SPIRE1: variants seen among roughly 807,000 people sequenced by gnomAD.
SPIRE1 encodes protein spire homolog 1.
Under a neutral mutation model 94.1 loss-of-function variants are expected in SPIRE1, and 40 were observed. The ratio of observed to expected loss-of-function variants is 0.43; its 90% CI spans 0.33 to 0.55. The LOEUF (loss-of-function observed/expected upper bound fraction) is 0.55, where lower values mean the gene tolerates loss of function less well. Among genes scored for constraint, SPIRE1 ranks in the 20% least tolerant of loss-of-function variants. The pLI, the probability that SPIRE1 is intolerant of heterozygous loss-of-function variation, is 0.06. For missense variants in SPIRE1, 838 were observed against 975.2 expected, an observed-to-expected ratio of 0.86 and a Z score of 1.87; for synonymous variants, 376 against 371.7, an observed-to-expected ratio of 1.01 and a Z score of -0.13.
In SPIRE1 at chr18:12,450,014, G is replaced by T. The variant is rs944200155; in HGVS notation, c.2013-118C>A. 2.5e-5 allele frequency: 26 copies of T among 1,053,380 alleles called. No individual in the cohort carries two copies. The Middle Eastern group carries it at 8.8e-4, about 36-fold the overall frequency. 65.3% of individuals were successfully genotyped at this position (1,053,380 alleles called of 1,614,324 possible). A position where few individuals can be genotyped will look rare whatever the true frequency, so the allele number is the denominator to read the frequency against. The stretch of plus-strand genomic sequence containing the variant: ...TCAAAACATCATGGAATGGATGAGT[G>T]ATTTAATCATATGTCCTTCTAAAAA... On this transcript the variant is annotated intron_variant, in intron 16 of 16. Transcript: ENST00000409402.
intron 1 of SPIRE1, among the ~76,000 whole-genome samples, chr18:12,643,111 T>C (rs573300334): frequency 4.7e-4 from 72 of 152,286 alleles, no homozygotes; most frequent in Admixed American, 1.2e-3. Flanking sequence ...AAAATGTTTA[T>C]AGTATAAACA....
chr18:12,563,186 A>G (rs1458443667), intron 2 of SPIRE1, among the ~76,000 whole-genome samples: 1 of 151,156 alleles, frequency 6.6e-6, no homozygotes, highest in African/African-American at 2.5e-5. Context: ...CCCGATTATG[A>G]ATCCCTGTTC....
At chr18:12,512,878 G>C (rs898041752) in intron 4 of SPIRE1, among the ~76,000 whole-genome samples, 3 of 149,832 alleles carry the variant, frequency 2.0e-5, no homozygotes, top group Non-Finnish European at 4.4e-5. Flanking sequence ...GAAGCAATCT[G>C]ATCCCGGATG....
chr18:12,474,191 G>T (rs1414829020), intron 10 of SPIRE1, among the ~76,000 whole-genome samples: 1 of 152,202 alleles, frequency 6.6e-6, no homozygotes. Context: ...AAGTGTCACT[G>T]CTTCCTCTTC....
intron 2 of SPIRE1, among the ~76,000 whole-genome samples, chr18:12,578,125 T>G (rs2036160914): frequency 6.6e-6 from 1 of 152,212 alleles, no homozygotes; most frequent in Non-Finnish European, 1.5e-5. Flanking sequence ...CGCAACCACA[T>G]TGTAAAATTG....
intron 2 of SPIRE1, among the ~76,000 whole-genome samples, chr18:12,607,596 T>TAC (rs34187168): frequency 0.12 from 17,476 of 145,810 alleles, 1,027 homozygotes; most frequent in Admixed American, 0.2. Context: ...TCCACAGCAC[T>TAC]ACACACACAC....
intron 2 of SPIRE1, among the ~76,000 whole-genome samples, chr18:12,632,408 T>C (rs1315459679): frequency 6.6e-5 from 10 of 152,064 alleles, no homozygotes; most frequent in African/African-American, 2.4e-4. Context: ...ACAGAAAACT[T>C]CCTCCTTATG....
rs183196230 is a variant in SPIRE1, at chr18:12,496,911, T to C, written c.973-809A>G. ...ATAAATAAAAATAAAAATACAAAAA[T>C]ACAAAAATTAGCCAGGCATGGCAGC... On this transcript the variant is annotated intron_variant, in intron 6 of 16. Coordinates refer to ENST00000409402, the MANE Select transcript of SPIRE1 (RefSeq NM_001128626.2). 1.2e-3 allele frequency among the ~76,000 whole-genome samples: 174 copies of C among 151,276 alleles called. 1 individual carries two copies. The highest frequency in any genetic ancestry group is 3.8e-3 in the African/African-American group (158 of 41,266).
intron 1 of SPIRE1, among the ~76,000 whole-genome samples, chr18:12,642,276 C>T (rs1693927849): frequency 1.3e-5 from 2 of 152,208 alleles, no homozygotes; most frequent in Non-Finnish European, 2.9e-5. Context: ...AAGCCAGGCT[C>T]TAGGACTTTC....
At position 12,624,588 on chromosome 18, in the gene SPIRE1, G is replaced by A. The variant is rs531630760; in HGVS notation, c.372+10474C>T. Among the ~76,000 whole-genome samples, 516 of 149,230 alleles carry A rather than the reference G, an allele frequency of 3.5e-3. 3 individuals carry two copies. The highest frequency in any genetic ancestry group is 0.012 in the African/African-American group (493 of 40,512). On this transcript the variant is annotated intron_variant, in intron 2 of 16. Coordinates refer to ENST00000409402, the MANE Select transcript of SPIRE1 (RefSeq NM_001128626.2). ...CTACATACTCTATTGTAAAGTACTG[G>A]GAGGTGTTTAAGCTACCCATATAGT...
At chr18:12,508,016 C>T (rs1389044422) in intron 5 of SPIRE1, among the ~76,000 whole-genome samples, 2 of 151,336 alleles carry the variant, frequency 1.3e-5, no homozygotes, top group African/African-American at 4.9e-5. Context: ...TGTGGTGGCA[C>T]GTGCCTGTAG....
intron 2 of SPIRE1, among the ~76,000 whole-genome samples, chr18:12,601,474 T>G (rs2036833679): frequency 6.6e-6 from 1 of 152,054 alleles, no homozygotes; most frequent in Admixed American, 6.6e-5. Context: ...GAGGTATAAT[T>G]TACTTACCCT....
At chr18:12,450,942 A>T in intron 16 of SPIRE1, 1 of 654,248 alleles carries the variant, frequency 1.5e-6, no homozygotes, top group Non-Finnish European at 2.8e-6. Context: ...GGAAAGTTTG[A>T]TGGAGAAAAG....
At chr18:12,605,697 A>C (rs749151924) in intron 2 of SPIRE1, among the ~76,000 whole-genome samples, 21 of 152,226 alleles carry the variant, frequency 1.4e-4, no homozygotes, top group Non-Finnish European at 2.8e-4. Context: ...TAACACAGTC[A>C]TATTATCTGC....
intron 2 of SPIRE1, among the ~76,000 whole-genome samples, chr18:12,622,552 A>C (rs926526613): frequency 6.0e-5 from 9 of 150,664 alleles, no homozygotes; most frequent in South Asian, 2.1e-4. Flanking sequence ...CCTCCTGAGT[A>C]GCTGGGACTA....
At chr18:12,474,938 T>A (rs2032507577) in intron 10 of SPIRE1, among the ~76,000 whole-genome samples, 1 of 152,080 alleles carries the variant, frequency 6.6e-6, no homozygotes. Context: ...AAGTCAACCT[T>A]TTTGAGACTG....
At chr18:12,660,874 CTT>C (rs1381211139), upstream of SPIRE1, among the ~76,000 whole-genome samples, 1 of 152,036 alleles carries the variant, frequency 6.6e-6, no homozygotes, top group Non-Finnish European at 1.5e-5. Context: ...TGTGATGTTT[CTT>C]CTCTACACAA....
intron 2 of SPIRE1, among the ~76,000 whole-genome samples, chr18:12,552,701 G>A (rs964031634): frequency 6.6e-6 from 1 of 151,998 alleles, no homozygotes; most frequent in African/African-American, 2.4e-5. Context: ...GCAACCCCCA[G>A]TCACGTACCC....
intron 3 of SPIRE1, among the ~76,000 whole-genome samples, chr18:12,540,334 C>T (rs971946106): frequency 2.6e-5 from 4 of 152,128 alleles, no homozygotes; most frequent in African/African-American, 9.7e-5. Context: ...AGAACGTCTT[C>T]CCTGTTTGTC....
Sources: gnomAD v4.1 joint callset for allele counts (sites outside exome capture counted in the v4.1 genomes callset) on GRCh38, gnomAD v4.1.1 for gene constraint, MANE v1.5 for transcripts, NCBI Gene and HGNC (gene_info 2026-07-23, HGNC 2026-07-21) for gene names.